UFSP2: variants seen among roughly 807,000 people sequenced by gnomAD.
UFSP2 encodes the protein ufm1-specific protease 2.
Under a neutral mutation model 60.2 loss-of-function variants are expected in UFSP2, and 43 were observed. The ratio of observed to expected loss-of-function variants is 0.71; its 90% CI spans 0.56 to 0.92. The LOEUF (loss-of-function observed/expected upper bound fraction) is 0.92, where lower values mean the gene tolerates loss of function less well. UFSP2 is among the 40% of genes least tolerant of loss of function. The pLI, the probability that UFSP2 is intolerant of heterozygous loss-of-function variation, is 0.00. For missense variants in UFSP2, 520 were observed against 575.0 expected, an observed-to-expected ratio of 0.90 and a Z score of 0.98; for synonymous variants, 183 against 195.1, an observed-to-expected ratio of 0.94 and a Z score of 0.52.
intron 2 of UFSP2, among the ~76,000 whole-genome samples, chr4:185,419,319 A>T (rs920739922): frequency 5.3e-5 from 8 of 151,966 alleles, no homozygotes; most frequent in African/African-American, 1.9e-4. Context: ...TTTAGTAGAG[A>T]CGGGGTTTCA....
intron 7 of UFSP2, among the ~76,000 whole-genome samples, chr4:185,408,741 G>C (rs2095524451): frequency 6.6e-6 from 1 of 151,926 alleles, no homozygotes; most frequent in Non-Finnish European, 1.5e-5. Flanking sequence ...TATGACCTTG[G>C]AGCCTCATGG....
intron 11 of UFSP2, chr4:185,402,355 G>GAAAAGGA (rs1561106108): frequency 2.2e-6 from 1 of 444,454 alleles, no homozygotes; most frequent in Middle Eastern, 3.4e-4. Context: ...CTGTGAAAGA[G>GAAAAGGA]AAAAGGAAAA....
chr4:185,410,358 TAAGA>T (rs1490422701), intron 7 of UFSP2, among the ~76,000 whole-genome samples: 7 of 151,960 alleles, frequency 4.6e-5, no homozygotes, highest in Admixed American at 6.6e-5. Context: ...CATTAGAAAA[TAAGA>T]AAGCTGTCCA....
At chr4:185,402,224 G>C (rs1422805583) in intron 11 of UFSP2, 1 of 439,200 alleles carries the variant, frequency 2.3e-6, no homozygotes, top group Non-Finnish European at 4.5e-6. Flanking sequence ...GCACTTGTTA[G>C]GTACTTTAAT....
chr4:185,415,995 G>C, intron 4 of UFSP2, 128 bp from the exon 5 acceptor site: 4 of 680,620 alleles, frequency 5.9e-6, no homozygotes, highest in Non-Finnish European at 9.2e-6. Flanking sequence ...AAGTACAGTA[G>C]TGAAAAGGGG....
At chr4:185,404,833 G>A (rs1185467391) in intron 10 of UFSP2, among the ~76,000 whole-genome samples, 6 of 151,170 alleles carry the variant, frequency 4.0e-5, no homozygotes, top group African/African-American at 9.7e-5. Flanking sequence ...TGATCCGCCC[G>A]CCTCAGCCTC....
In UFSP2 at chr4:185,418,678, A is replaced by C; in HGVS notation, c.175T>G (p.Ser59Ala). The change falls in exon 3 of 12, where the codon TCA becomes GCA. Residue 59 changes from serine to alanine, a missense_variant. Transcript: ENST00000264689. ...TCACTGCTAGGCCATATATACACTGAACTGTGGCAAATTCTGAACACAAGG... is the reference window on the plus strand; with the variant it reads ...TCACTGCTAGGCCATATATACACTGCACTGTGGCAAATTCTGAACACAAGG... The part of the protein sequence containing the change: ...NALVFRICHS[S>A]VYIWPSSDIN... 1 of 1,614,034 alleles carries C rather than the reference A, an allele frequency of 6.2e-7. No homozygotes were observed. Among genetic ancestry groups the C allele is most frequent in the South Asian group, 1.1e-5 (1 of 91,060 alleles).
At chr4:185,418,091 T>C (rs1329077133) in intron 4 of UFSP2, among the ~76,000 whole-genome samples, 1 of 64,686 alleles carries the variant, frequency 1.5e-5, no homozygotes, top group Non-Finnish European at 3.2e-5. Context: ...AAGAGTAGTG[T>C]GAAGAAAAAT....
chr4:185,419,266 G>A (rs1412450775), intron 2 of UFSP2, among the ~76,000 whole-genome samples: 1 of 152,058 alleles, frequency 6.6e-6, no homozygotes, highest in Non-Finnish European at 1.5e-5. Flanking sequence ...CGAGTAGCTG[G>A]GACTACAGGT....
At chr4:185,421,124 T>C (rs1249113927) in intron 2 of UFSP2, among the ~76,000 whole-genome samples, 1 of 150,504 alleles carries the variant, frequency 6.6e-6, no homozygotes, top group Non-Finnish European at 1.5e-5. Flanking sequence ...CCTAGAAAGC[T>C]GACTGATGCC....
chr4:185,413,273 A>G (rs975065015), intron 7 of UFSP2, among the ~76,000 whole-genome samples: 1 of 152,204 alleles, frequency 6.6e-6, no homozygotes, highest in African/African-American at 2.4e-5. Flanking sequence ...CTGTAACCCC[A>G]GCTGCTCAGG....
Position 185,408,483 on chromosome 4 carries a change from T to G in UFSP2, c.832-48A>C, listed in dbSNP as rs775029982. On this transcript the variant is annotated intron_variant, in intron 7 of 11. Coordinates refer to ENST00000264689, the MANE Select transcript of UFSP2 (RefSeq NM_018359.5). ...GTAAAATATTAACTTAGGATAGAAG[T>G]ACATATTCTATATATGCTCCCGAAT... is the stretch of plus-strand genomic sequence containing the variant. 7.2e-6 allele frequency: 11 copies of G among 1,528,642 alleles called. No individual in the cohort carries two copies. In the Admixed American group the frequency reaches 1.9e-4, roughly 26 times the overall value. 94.7% of individuals were successfully genotyped at this position (1,528,642 alleles called of 1,614,324 possible). A position where few individuals can be genotyped will look rare whatever the true frequency, so the allele number is the denominator to read the frequency against.
At chr4:185,420,889 G>C (rs759592151) in intron 2 of UFSP2, among the ~76,000 whole-genome samples, 3 of 152,094 alleles carry the variant, frequency 2.0e-5, no homozygotes, top group Non-Finnish European at 2.9e-5. Flanking sequence ...TGTAGTCCTT[G>C]TTTACATTTG....
Position 185,418,582 on chromosome 4 carries a change from C to G in UFSP2, c.266+5G>C, listed in dbSNP as rs1248378874. ...ACATTTCTAGAAATCTTCAAACATA[C>G]TCACTGAATAAAGCGCAGTATGTTC... On this transcript the variant is annotated splice_donor_5th_base_variant and intron_variant, in intron 3 of 11. Coordinates refer to ENST00000264689, the MANE Select transcript of UFSP2 (RefSeq NM_018359.5). 2 of 1,612,362 alleles carry G rather than the reference C, an allele frequency of 1.2e-6. No homozygotes were observed. The highest frequency in any genetic ancestry group is 3.4e-5 in the Admixed American group (2 of 59,674).
chr4:185,412,854 C>T (rs959545168), intron 7 of UFSP2, among the ~76,000 whole-genome samples: 3 of 152,088 alleles, frequency 2.0e-5, no homozygotes, highest in Non-Finnish European at 4.4e-5. Context: ...TCTTGGATGC[C>T]TTATAAGGTC....
intron 7 of UFSP2, among the ~76,000 whole-genome samples, chr4:185,409,222 T>C (rs2153280726): frequency 6.6e-6 from 1 of 152,338 alleles, no homozygotes; most frequent in South Asian, 2.1e-4. Context: ...CTGCTATGAT[T>C]ACAGCCCAAG....
chr4:185,404,372 T>G (rs1397204773), intron 10 of UFSP2, among the ~76,000 whole-genome samples: 1 of 146,618 alleles, frequency 6.8e-6, no homozygotes, highest in Non-Finnish European at 1.5e-5. Context: ...CTCGGCTCAC[T>G]GCAACCTCTG....
chr4:185,407,207 T>A (rs2153278313), intron 9 of UFSP2, among the ~76,000 whole-genome samples: 1 of 151,706 alleles, frequency 6.6e-6, no homozygotes, highest in Non-Finnish European at 1.5e-5. Context: ...TGCGCCACCA[T>A]ACCCAGCTAA....
chr4:185,423,015 C>T (rs903037898), intron 1 of UFSP2, among the ~76,000 whole-genome samples: 12 of 152,194 alleles, frequency 7.9e-5, no homozygotes, highest in South Asian at 2.1e-4. Flanking sequence ...TACACCACCA[C>T]GCCTGGCTAA....
Sources: gnomAD v4.1 joint callset for allele counts (sites outside exome capture counted in the v4.1 genomes callset) on GRCh38, gnomAD v4.1.1 for gene constraint, MANE v1.5 for transcripts, NCBI Gene and HGNC (gene_info 2026-07-23, HGNC 2026-07-21) for gene names.